The following SYNPR variants were observed in gnomAD, a reference collection of about 807,000 sequenced individuals.
The protein encoded by SYNPR is synaptoporin.
SYNPR carries 23 observed loss-of-function variants against 32.9 expected under a neutral mutation model. The observed-to-expected ratio is 0.70, with a 90% CI of 0.50 to 0.99. SYNPR has a LOEUF of 0.99. SYNPR is among the 50% of genes least tolerant of loss of function. The pLI, the probability that SYNPR is intolerant of heterozygous loss-of-function variation, is 0.00. For missense variants in SYNPR, 318 were observed against 349.3 expected (o/e 0.91, Z 0.71); for synonymous variants, 146 against 135.9 (o/e 1.07, Z -0.52).
chr3:63,258,997 C>A (rs2086413971), intron 2 of SYNPR, among the ~76,000 whole-genome samples: 1 of 152,178 alleles, frequency 6.6e-6, no homozygotes, highest in East Asian at 1.9e-4. Context: ...TTCCTGGACA[C>A]ATACACCCTC....
the SYNPR span, among the ~76,000 whole-genome samples, chr3:63,222,051 A>G: frequency 1.7e-5 from 1 of 59,758 alleles, no homozygotes; most frequent in Non-Finnish European, 3.6e-5. Context: ...AATGCTGAGT[A>G]GAGAGTGGTT....
At position 63,255,589 on chromosome 3, in the gene SYNPR, G is replaced by A. The variant is rs536725736; in HGVS notation, n.154+3003G>A. Among the ~76,000 whole-genome samples the A allele has an allele frequency of 1.3e-4, 20 of 152,324 alleles. No homozygotes were observed. The South Asian group carries it at 2.5e-3, about 19-fold the overall frequency. ...TATCATTCATTCCATCAGTGGCAGA[G>A]GTGAGATTAATAACTCATGACTTGA... On this transcript the variant is annotated intron_variant and non_coding_transcript_variant, in intron 2 of 4. Transcript: ENST00000478456.
intron 3 of SYNPR, among the ~76,000 whole-genome samples, chr3:63,555,472 G>A (rs185947620): frequency 1.3e-5 from 2 of 151,894 alleles, no homozygotes; most frequent in Non-Finnish European, 2.9e-5. Context: ...TATAGTTCAC[G>A]ACTTAGTTCC....
intron 2 of SYNPR, among the ~76,000 whole-genome samples, chr3:63,332,482 T>C (rs1016055135): frequency 1.3e-5 from 2 of 152,226 alleles, no homozygotes; most frequent in Non-Finnish European, 2.9e-5. Flanking sequence ...ATTGCATCCT[T>C]AGACTTTAGG....
intron 1 of SYNPR, among the ~76,000 whole-genome samples, chr3:63,239,438 T>C (rs76352620): frequency 0.21 from 12,168 of 57,240 alleles, 15 homozygotes; most frequent in Non-Finnish European, 0.24. Flanking sequence ...GTGTGTCATG[T>C]ACACACACCT....
intron 4 of SYNPR, among the ~76,000 whole-genome samples, chr3:63,608,696 A>G (rs1011878800): frequency 2.6e-5 from 4 of 152,180 alleles, no homozygotes; most frequent in Admixed American, 6.5e-5. Flanking sequence ...TTGGTGGTTA[A>G]GAACTTGGAC....
intron 2 of SYNPR, among the ~76,000 whole-genome samples, chr3:63,297,332 T>C (rs1204329137): frequency 1.3e-5 from 2 of 152,234 alleles, no homozygotes; most frequent in Non-Finnish European, 2.9e-5. Context: ...ACATGCATTC[T>C]ATGCATTTCC....
intron 4 of SYNPR, among the ~76,000 whole-genome samples, chr3:63,588,101 C>A (rs546782725): frequency 7.9e-4 from 120 of 151,994 alleles, no homozygotes; most frequent in African/African-American, 2.9e-3. Flanking sequence ...GAGAAAAAAA[C>A]TTTGTTGTGT....
At chr3:63,277,309 G>C (rs1165063524), upstream of SYNPR, among the ~76,000 whole-genome samples, 3 of 152,096 alleles carry the variant, frequency 2.0e-5, no homozygotes, top group African/African-American at 7.2e-5. Context: ...AAAGCCCTTA[G>C]CACAGTTTTC....
Position 63,413,720 on chromosome 3 carries a change from AC to A in SYNPR, c.85-67111del, listed in dbSNP as rs2088500042. Among the ~76,000 whole-genome samples the A allele has an allele frequency of 2.6e-5, 4 of 152,136 alleles. 1 individual carries two copies. The highest frequency in any genetic ancestry group is 2.6e-4 in the Admixed American group (4 of 15,266). On this transcript the variant is annotated intron_variant, in intron 2 of 5. Transcript: ENST00000478300. ...AGCTATTGTTTTATTGTCTGCTGTTACATGTAAGTTGCTGGCAGCTGCTGAT... is the reference window on the plus strand; with the variant it reads ...AGCTATTGTTTTATTGTCTGCTGTTAATGTAAGTTGCTGGCAGCTGCTGAT...
At chr3:63,605,791 G>A (rs969167424) in intron 4 of SYNPR, among the ~76,000 whole-genome samples, 1 of 152,234 alleles carries the variant, frequency 6.6e-6, no homozygotes, top group Non-Finnish European at 1.5e-5. Flanking sequence ...GGTCCCAAGA[G>A]ATGGGAGTGC....
chr3:63,235,190 A>G (rs573493859), intron 1 of SYNPR, among the ~76,000 whole-genome samples: 3 of 152,276 alleles, frequency 2.0e-5, no homozygotes, highest in African/African-American at 7.2e-5. Flanking sequence ...AATAGCACCA[A>G]CACAGTGAGG....
At chr3:63,550,840 T>G (rs1702488519) in intron 3 of SYNPR, among the ~76,000 whole-genome samples, 3 of 152,220 alleles carry the variant, frequency 2.0e-5, no homozygotes, top group Admixed American at 6.5e-5. Context: ...AATCTATAAT[T>G]TGGCCACCTG....
At chr3:63,264,393 T>A (rs1413921581) in intron 2 of SYNPR, among the ~76,000 whole-genome samples, 1 of 140,084 alleles carries the variant, frequency 7.1e-6, no homozygotes, top group African/African-American at 2.6e-5. Context: ...TACAAGCCTG[T>A]TTGAAAAAAA....
At chr3:63,333,598 G>C (rs1413474952) in intron 2 of SYNPR, among the ~76,000 whole-genome samples, 1 of 151,862 alleles carries the variant, frequency 6.6e-6, no homozygotes, top group African/African-American at 2.4e-5. Flanking sequence ...TTATTTTTTT[G>C]TAGAGATGGG....
In SYNPR at chr3:63,515,252, C is replaced by T. The variant is rs564608111; in HGVS notation, c.209+34296C>T. Among the ~76,000 whole-genome samples, 3 of 152,132 alleles carry T rather than the reference C, an allele frequency of 2.0e-5. No homozygotes were observed. The South Asian group carries it at 6.2e-4, about 32-fold the overall frequency. ...GACTTTGCCCTACATTTCTATGTGGCTACTCTTCCTACTCCCCCTCTGTTG... is the reference window on the plus strand; with the variant it reads ...GACTTTGCCCTACATTTCTATGTGGTTACTCTTCCTACTCCCCCTCTGTTG... On this transcript the variant is annotated intron_variant, in intron 3 of 5. Transcript: ENST00000478300.
intron 2 of SYNPR, among the ~76,000 whole-genome samples, chr3:63,386,759 T>C (rs2107077645): frequency 6.6e-6 from 1 of 152,204 alleles, no homozygotes; most frequent in East Asian, 1.9e-4. Flanking sequence ...CGGGTCAGCC[T>C]GGTGGGAGCC....
intron 3 of SYNPR, among the ~76,000 whole-genome samples, chr3:63,513,385 C>T (rs1701734687): frequency 6.6e-6 from 1 of 151,922 alleles, no homozygotes; most frequent in South Asian, 2.1e-4. Flanking sequence ...ATATTTTGTT[C>T]TGTGACTTGC....
intron 2 of SYNPR, among the ~76,000 whole-genome samples, chr3:63,337,308 G>A (rs1428376267): frequency 7.3e-6 from 1 of 136,380 alleles, no homozygotes; most frequent in Non-Finnish European, 1.6e-5. Flanking sequence ...ACAACAATAA[G>A]AACTACATAC....
Sources: gnomAD v4.1 joint callset for allele counts (sites outside exome capture counted in the v4.1 genomes callset) on GRCh38, gnomAD v4.1.1 for gene constraint, MANE v1.5 for transcripts, NCBI Gene and HGNC (gene_info 2026-07-23, HGNC 2026-07-21) for gene names.